Variants in KCNQ2 observed in about 807,000 individuals in gnomAD.
KCNQ2 encodes potassium voltage-gated channel subfamily Q member 2.
In KCNQ2, 14 loss-of-function variants were observed where a neutral mutation model predicts 84.8. The observed-to-expected ratio is 0.17, with a 90% CI of 0.11 to 0.26. The LOEUF (loss-of-function observed/expected upper bound fraction) is 0.26. Ranked by LOEUF, KCNQ2 falls within the 10% of genes least tolerant of loss-of-function variation. The pLI is 1.00. For missense variants in KCNQ2, 788 were observed against 1,254.0 expected, an observed-to-expected ratio of 0.63 and a Z score of 5.61; for synonymous variants, 599 against 554.1, an observed-to-expected ratio of 1.08 and a Z score of -1.14.
rs997350507 is a variant in KCNQ2 at position 63,404,315 on chromosome 20, G to C, written c.*2329C>G. The C allele has an allele frequency of 6.6e-6, 1 of 150,648 alleles. No individual in the cohort carries two copies. Among genetic ancestry groups the C allele is most frequent in the African/African-American group, 2.5e-5 (1 of 40,638 alleles). 9.3% of individuals were successfully genotyped at this position (150,648 alleles called of 1,614,324 possible). On this transcript the variant is annotated 3_prime_UTR_variant, in exon 17 of 17. Transcript: ENST00000359125. ...GAAAGAGCAGGTGGGGTCACACCTC[G>C]GCAGGGGAGGAAAGAACAGGTGGGG...
chr20:63,433,577 G>C, intron 8 of KCNQ2: 1 of 787,226 alleles, frequency 1.3e-6, no homozygotes, highest in Admixed American at 2.6e-5. Context: ...CCCACGGCCA[G>C]GACGATAAAG....
chr20:63,454,288 T>C (rs2081707104), intron 1 of KCNQ2, among the ~76,000 whole-genome samples: 1 of 152,192 alleles, frequency 6.6e-6, no homozygotes, highest in African/African-American at 2.4e-5. Context: ...CTGCCCCTCC[T>C]GCCACAGCCC....
intron 10 of KCNQ2, among the ~76,000 whole-genome samples, chr20:63,427,411 G>A (rs988004685): frequency 6.6e-6 from 1 of 152,232 alleles, no homozygotes; most frequent in African/African-American, 2.4e-5. Context: ...ACAGCCGCAC[G>A]CGGCTCCCGG....
chr20:63,425,702 G>T lies in KCNQ2; in HGVS notation c.1218-1496C>A, dbSNP rs1481698149. On this transcript the variant is annotated intron_variant, in intron 10 of 16. Transcript: ENST00000359125. The surrounding 1 kb of genome is among the most constrained non-coding windows in gnomAD (Gnocchi z 5.5). Reference sequence around the variant, plus strand: ...GCCACTGCACTCCAGCCTGAGTGACGCAGGGAGACTCCGTCTCAGAGAAAA... The same window carrying T: ...GCCACTGCACTCCAGCCTGAGTGACTCAGGGAGACTCCGTCTCAGAGAAAA... Among the ~76,000 whole-genome samples, 4 of 152,026 alleles carry T rather than the reference G, an allele frequency of 2.6e-5. No individual in the cohort carries two copies. Among genetic ancestry groups the T allele is most frequent in the African/African-American group, 9.7e-5 (4 of 41,428 alleles).
chr20:63,468,014 G>A (rs1347274002), intron 1 of KCNQ2, among the ~76,000 whole-genome samples: 2 of 152,204 alleles, frequency 1.3e-5, no homozygotes, highest in African/African-American at 2.4e-5. Context: ...CACAGAATGT[G>A]CACAGAGATT....
intron 1 of KCNQ2, among the ~76,000 whole-genome samples, chr20:63,465,072 C>T (rs970667820): frequency 5.9e-5 from 9 of 152,366 alleles, no homozygotes; most frequent in Admixed American, 3.3e-4. Context: ...GGCCTGGCCC[C>T]GGGAAGCGAC....
At chr20:63,439,276 G>A (rs1430792191) in intron 6 of KCNQ2, among the ~76,000 whole-genome samples, 2 of 152,160 alleles carry the variant, frequency 1.3e-5, no homozygotes, top group Admixed American at 6.5e-5. Context: ...GTCACCAGCC[G>A]CCCTGCTCCT....
chr20:63,470,832 G>T (rs1428824783), intron 1 of KCNQ2: 2 of 152,158 alleles, frequency 1.3e-5, no homozygotes, highest in African/African-American at 2.4e-5. Context: ...GGGGATTCGG[G>T]AATGAACCCT....
At chr20:63,429,492 G>A (rs1399346500) in intron 9 of KCNQ2, among the ~76,000 whole-genome samples, 1 of 152,092 alleles carries the variant, frequency 6.6e-6, no homozygotes, top group Non-Finnish European at 1.5e-5. Flanking sequence ...TATGGCCACG[G>A]CCACCCCCTG....
intron 12 of KCNQ2, 68 bp downstream of exon 12, chr20:63,419,551 C>T (rs2080402426): frequency 6.7e-7 from 1 of 1,500,674 alleles, no homozygotes; most frequent in Non-Finnish European, 9.1e-7. Flanking sequence ...TCCAGAACCT[C>T]TAGTAAGCAG....
At chr20:63,442,815 CCAT>C (rs2081231512) in intron 4 of KCNQ2, among the ~76,000 whole-genome samples, 1 of 73,548 alleles carries the variant, frequency 1.4e-5, no homozygotes, top group Non-Finnish European at 2.9e-5. Context: ...ATTACCACCA[CCAT>C]CACCATCACC....
chr20:63,424,499 C>T (rs2080571130), intron 10 of KCNQ2: 7 of 514,716 alleles, frequency 1.4e-5, no homozygotes, highest in African/African-American at 1.9e-5. Context: ...TACAGACACT[C>T]ATTTTAATCA....
intron 4 of KCNQ2, among the ~76,000 whole-genome samples, 182 bp from the exon 5 acceptor site, chr20:63,442,713 C>T (rs1241213326): frequency 3.2e-4 from 31 of 97,148 alleles, no homozygotes; most frequent in Admixed American, 4.8e-4. Context: ...ACCATCACCA[C>T]CACCACCACC....
chr20:63,431,513 T>C, intron 8 of KCNQ2, 144 bp from the exon 9 acceptor site: 1 of 913,708 alleles, frequency 1.1e-6, no homozygotes, highest in South Asian at 1.4e-5. Context: ...GCTGGTTCTG[T>C]CCCTGCCCTG....
intron 1 of KCNQ2, chr20:63,466,655 A>T (rs2082090902): frequency 6.6e-6 from 1 of 152,214 alleles, no homozygotes; most frequent in Non-Finnish European, 1.5e-5. Flanking sequence ...ATCACGTGAC[A>T]CAGATGCAGA....
intron 1 of KCNQ2, among the ~76,000 whole-genome samples, chr20:63,450,181 T>TCC (rs2081566863): frequency 1.6e-5 from 1 of 60,738 alleles, no homozygotes; most frequent in Middle Eastern, 6.1e-3. Context: ...CCCCCACCCC[T>TCC]CCCTCACCCA....
intron 1 of KCNQ2, among the ~76,000 whole-genome samples, chr20:63,461,618 T>G (rs1165930986): frequency 6.6e-6 from 1 of 152,092 alleles, no homozygotes; most frequent in East Asian, 1.9e-4. Flanking sequence ...CCCCAGAGCC[T>G]AATCAGGTAG....
chr20:63,451,688 C>T (rs2081619775), intron 1 of KCNQ2, among the ~76,000 whole-genome samples: 1 of 152,160 alleles, frequency 6.6e-6, no homozygotes, highest in Non-Finnish European at 1.5e-5. Flanking sequence ...ACGGACACCC[C>T]CACGGCTTCC....
intron 10 of KCNQ2, 82 bp from the exon 11 acceptor site, chr20:63,424,288 T>G: frequency 6.8e-7 from 1 of 1,465,252 alleles, no homozygotes; most frequent in Non-Finnish European, 9.4e-7. Flanking sequence ...CCCCCCACAG[T>G]CCCATGGGTC....
Sources: allele counts gnomAD v4.1 joint callset (sites outside exome capture counted in the v4.1 genomes callset), GRCh38; gene constraint gnomAD v4.1.1; non-coding constraint Gnocchi (gnomAD v3.1); transcripts MANE v1.5; gene names NCBI Gene and HGNC (gene_info 2026-07-23, HGNC 2026-07-21).